Variants in ADGRL3 observed in about 807,000 individuals in gnomAD.
ADGRL3 encodes adhesion G protein-coupled receptor L3.
Under a neutral mutation model 153.5 loss-of-function variants are expected in ADGRL3, and 62 were observed. The ratio of observed to expected loss-of-function variants is 0.40; its 90% CI spans 0.33 to 0.50. ADGRL3 has a LOEUF of 0.50. Ranked by LOEUF, ADGRL3 falls within the 20% of genes least tolerant of loss-of-function variation. ADGRL3 has a pLI of 0.47. For synonymous variants in ADGRL3, 710 were observed against 672.5 expected (o/e 1.06, Z -0.86); for missense variants, 1,641 against 1,859.4 (o/e 0.88, Z 2.16).
chr4:61,645,876 A>C (rs1303667061), intron 5 of ADGRL3, among the ~76,000 whole-genome samples: 1 of 152,110 alleles, frequency 6.6e-6, no homozygotes, highest in Non-Finnish European at 1.5e-5. Context: ...TATCCTGCAG[A>C]GTGTTTTCCA....
chr4:61,874,626 T>C, intron 9 of ADGRL3, among the ~76,000 whole-genome samples: 1 of 151,304 alleles, frequency 6.6e-6, no homozygotes. Flanking sequence ...AGAATATTGC[T>C]ATGTATTTAA....
At chr4:61,517,594 C>T (rs1479405293) in intron 4 of ADGRL3, 76 bp downstream of exon 4, 5 of 681,378 alleles carry the variant, frequency 7.3e-6, no homozygotes, top group African/African-American at 7.1e-5. Flanking sequence ...CCAGGAAATG[C>T]CCGAAATGTG....
intron 1 of ADGRL3, among the ~76,000 whole-genome samples, chr4:61,358,696 T>TAG (rs1197924590): frequency 3.3e-5 from 5 of 152,066 alleles, no homozygotes; most frequent in African/African-American, 4.8e-5. Flanking sequence ...TGTATTTTTC[T>TAG]GGCATCTCCC....
chr4:61,909,765 G>A lies in ADGRL3; in HGVS notation c.2073+20G>A, dbSNP rs12648576. On this transcript the variant is annotated intron_variant, in intron 12 of 26. Transcript: ENST00000683033. ...AACAAGGTAAGGACCCTAATTATGT[G>A]TGTGTGTGTGTGTGTGTGTGTGTGT... 91,122 of 563,178 alleles carry A rather than the reference G, an allele frequency of 0.16. 15,162 individuals carry two copies. The highest frequency in any genetic ancestry group is 0.21 in the Admixed American group (3,185 of 15,294). The allele number at this position is 563,178 out of a possible 1,614,324, so 34.9% of individuals were successfully genotyped here.
chr4:61,639,317 T>A (rs78328284), intron 5 of ADGRL3, among the ~76,000 whole-genome samples: 1 of 152,140 alleles, frequency 6.6e-6, no homozygotes, highest in Admixed American at 6.6e-5. Flanking sequence ...GTGTAAGATA[T>A]GAGTTTGGGA....
At chr4:61,613,771 A>C (rs2091673693) in intron 5 of ADGRL3, among the ~76,000 whole-genome samples, 1 of 152,204 alleles carries the variant, frequency 6.6e-6, no homozygotes, top group African/African-American at 2.4e-5. Context: ...GTAGTAATAC[A>C]TTTAATTGTA....
At chr4:61,378,530 A>T (rs186059145) in intron 1 of ADGRL3, among the ~76,000 whole-genome samples, 1 of 152,146 alleles carries the variant, frequency 6.6e-6, no homozygotes, top group Non-Finnish European at 1.5e-5. Flanking sequence ...ACTTCAGCAC[A>T]GTGTTTAAAA....
intron 6 of ADGRL3, among the ~76,000 whole-genome samples, chr4:61,686,804 C>T (rs1227003455): frequency 2.0e-5 from 3 of 151,992 alleles, no homozygotes; most frequent in African/African-American, 7.2e-5. Context: ...TTCCTCACTC[C>T]TCCCCATCTT....
chr4:61,574,577 G>A (rs952116676), intron 4 of ADGRL3, among the ~76,000 whole-genome samples: 1 of 151,712 alleles, frequency 6.6e-6, no homozygotes, highest in African/African-American at 2.4e-5. Context: ...AGATACTAGA[G>A]CACAGCCAAG....
At chr4:62,008,473 G>A (rs9995919) in intron 21 of ADGRL3, among the ~76,000 whole-genome samples, 33 of 151,964 alleles carry the variant, frequency 2.2e-4, no homozygotes, top group Non-Finnish European at 1.8e-4. Context: ...GACTGAGACC[G>A]GCTAACCTAT....
At chr4:61,333,851 A>T (rs1311059899) in intron 1 of ADGRL3, among the ~76,000 whole-genome samples, 1 of 151,774 alleles carries the variant, frequency 6.6e-6, no homozygotes, top group Non-Finnish European at 1.5e-5. Flanking sequence ...CCTGGATTCA[A>T]GTGATCTTTC....
chr4:61,739,436 G>A (rs1036074572), intron 8 of ADGRL3, among the ~76,000 whole-genome samples: 3 of 152,034 alleles, frequency 2.0e-5, no homozygotes, highest in African/African-American at 7.2e-5. Flanking sequence ...AGCCCCCTGA[G>A]TAGCTTGACC....
chr4:61,619,583 T>C (rs1326904856), intron 5 of ADGRL3, among the ~76,000 whole-genome samples: 1 of 152,074 alleles, frequency 6.6e-6, no homozygotes, highest in African/African-American at 2.4e-5. Context: ...TGTATTTATG[T>C]ATTTGTTATA....
At chr4:61,250,159 T>G (rs1758685777) in intron 1 of ADGRL3, among the ~76,000 whole-genome samples, 1 of 152,178 alleles carries the variant, frequency 6.6e-6, no homozygotes, top group Non-Finnish European at 1.5e-5. Flanking sequence ...CTCTTTGAAG[T>G]GGAAAAGGAT....
At chr4:61,419,586 A>T (rs1358070629) in intron 2 of ADGRL3, among the ~76,000 whole-genome samples, 2 of 152,132 alleles carry the variant, frequency 1.3e-5, no homozygotes, top group Non-Finnish European at 1.5e-5. Context: ...CCGAGTACCC[A>T]CACAGACTCC....
chr4:61,341,486 A>G (rs1367856405), intron 1 of ADGRL3, among the ~76,000 whole-genome samples: 1 of 151,434 alleles, frequency 6.6e-6, no homozygotes, highest in East Asian at 1.9e-4. Context: ...TTCCTCATAT[A>G]TACAGAGTCA....
At chr4:62,030,816 G>A (rs1721587706) in intron 22 of ADGRL3, among the ~76,000 whole-genome samples, 1 of 151,444 alleles carries the variant, frequency 6.6e-6, no homozygotes, top group African/African-American at 2.4e-5. Context: ...GCCTGAAGGA[G>A]GGTAGAAACA....
chr4:61,506,001 T>C (rs2098425826), intron 3 of ADGRL3, among the ~76,000 whole-genome samples: 1 of 152,078 alleles, frequency 6.6e-6, no homozygotes, highest in South Asian at 2.1e-4. Context: ...AAACTGAAGT[T>C]TACAGTATCA....
chr4:61,926,269 G>T (rs2098793962), intron 13 of ADGRL3, among the ~76,000 whole-genome samples: 2 of 152,244 alleles, frequency 1.3e-5, no homozygotes, highest in South Asian at 4.2e-4. Flanking sequence ...ACTGTATATT[G>T]CATTCAAAGT....
Sources: gnomAD v4.1 joint callset for allele counts (sites outside exome capture counted in the v4.1 genomes callset) on GRCh38, gnomAD v4.1.1 for gene constraint, MANE v1.5 for transcripts, NCBI Gene and HGNC (gene_info 2026-07-23, HGNC 2026-07-21) for gene names.